Variants in SNX4 observed in about 807,000 individuals in gnomAD.
The protein encoded by SNX4 is sorting nexin-4.
SNX4 carries 49 observed loss-of-function variants against 70.8 expected under a neutral mutation model. That is an observed-to-expected ratio of 0.69 (90% CI 0.55 to 0.88). SNX4 has a LOEUF of 0.88. Ranked by LOEUF, SNX4 falls within the 40% of genes least tolerant of loss-of-function variation. The pLI, the probability that SNX4 is intolerant of heterozygous loss-of-function variation, is 0.00. For missense variants in SNX4, 528 were observed against 544.8 expected (o/e 0.97, Z 0.31); for synonymous variants, 206 against 183.8 (o/e 1.12, Z -0.98).
At chr3:125,516,318 T>G (rs550377882) in intron 1 of SNX4, among the ~76,000 whole-genome samples, 20 of 152,342 alleles carry the variant, frequency 1.3e-4, no homozygotes, top group Non-Finnish European at 1.5e-4. Flanking sequence ...TACTACTTTC[T>G]TAGAGAATGA....
intron 9 of SNX4, among the ~76,000 whole-genome samples, chr3:125,465,775 T>C (rs2107533902): frequency 6.6e-6 from 1 of 152,254 alleles, no homozygotes; most frequent in Admixed American, 6.5e-5. Context: ...CCCAAGTGGC[T>C]AGGACTATAG....
chr3:125,485,540 C>T (rs947250373), intron 6 of SNX4, among the ~76,000 whole-genome samples: 3 of 152,106 alleles, frequency 2.0e-5, no homozygotes, highest in South Asian at 2.1e-4. Context: ...TCAAGTGATC[C>T]GCCTGCCTTG....
Position 125,520,132 on chromosome 3 carries a change from G to A in SNX4, c.41C>T (p.Pro14Leu), listed in dbSNP as rs781760479. 4.1e-6 allele frequency: 6 copies of A among 1,462,194 alleles called. No homozygotes were observed. Among genetic ancestry groups the A allele is most frequent in the Admixed American group, 3.0e-5 (1 of 33,782 alleles). 90.6% of individuals were successfully genotyped at this position (1,462,194 alleles called of 1,614,324 possible). A position where few individuals can be genotyped will look rare whatever the true frequency, so the allele number is the denominator to read the frequency against. ...APPDPERQLQ[P>L]APLEPLGSPD... is the part of the protein sequence containing the mutation. ...GGAGCCCAGCGGCTCCAAGGGCGCC[G>A]GCTGGAGCTGCCGCTCGGGGTCCGG... Residue 14 changes from proline (P) to leucine (L), a missense_variant, in exon 1 of 14, where the codon CCG becomes CTG. Physicochemically the swap from Pro to Leu is moderately conservative, Grantham distance 98. Transcript: ENST00000251775.
intron 4 of SNX4, 24 bp downstream of exon 4, chr3:125,497,810 T>G: frequency 6.7e-7 from 1 of 1,501,504 alleles, no homozygotes; most frequent in Non-Finnish European, 9.0e-7. Flanking sequence ...AATATTTTAC[T>G]AAGACTAAAT....
At chr3:125,516,434 T>C (rs1345370076) in intron 1 of SNX4, among the ~76,000 whole-genome samples, 1 of 152,224 alleles carries the variant, frequency 6.6e-6, no homozygotes, top group Non-Finnish European at 1.5e-5. Flanking sequence ...AGAATCCTGA[T>C]CAGTGGTGTT....
In SNX4 at chr3:125,497,857, T is replaced by C. The variant is rs986871379; in HGVS notation, c.526A>G (p.Ile176Val). 1.9e-6 allele frequency: 3 copies of C among 1,609,024 alleles called. No homozygotes were observed. Among genetic ancestry groups the C allele is most frequent in the Non-Finnish European group, 2.5e-6 (3 of 1,178,580 alleles). ...ASHPILCRDK[I>V]FYLFLTQEGN... is the part of the protein sequence containing the mutation. ...ACCTGTGTTAAAAACAGATAGAAGA[T>C]TTTGTCTCTACAAAGGATGGGATGT... The change falls in exon 4 of 14, where the codon ATC becomes GTC. Residue 176 changes from isoleucine (I) to valine (V), a missense_variant. Ile to Val is a conservative substitution (Grantham distance 29). Around this residue, in one of 3 missense-constraint regions of SNX4, gnomAD observed 341 missense variants for 312.2 expected, o/e 1.09. Transcript: ENST00000251775.
chr3:125,469,352 T>C (rs897887441), intron 9 of SNX4, 102 bp downstream of exon 9: 15 of 773,726 alleles, frequency 1.9e-5, no homozygotes, highest in African/African-American at 3.5e-5. Context: ...GAGCGCAATA[T>C]AAATGCCAGC....
intron 1 of SNX4, among the ~76,000 whole-genome samples, chr3:125,507,360 G>A (rs562097125): frequency 6.6e-6 from 1 of 151,988 alleles, no homozygotes; most frequent in South Asian, 2.1e-4. Context: ...CCAAGGAACA[G>A]AAAAAAGATG....
In SNX4 at chr3:125,501,941, G is replaced by A. The variant is rs997449891; in HGVS notation, c.263+2682C>T. On this transcript the variant is annotated intron_variant, in intron 2 of 13. Transcript: ENST00000251775. ...TTCAAATTAGAACTGGGCTACAGAAGAAAACAATGATCCTTTATTTATTTC... is the reference window on the plus strand; with the variant it reads ...TTCAAATTAGAACTGGGCTACAGAAAAAAACAATGATCCTTTATTTATTTC... 5.9e-5 allele frequency among the ~76,000 whole-genome samples: 9 copies of A among 152,130 alleles called. 1 individual carries two copies. The highest frequency in any genetic ancestry group is 1.3e-4 in the Admixed American group (2 of 15,272).
intron 1 of SNX4, among the ~76,000 whole-genome samples, chr3:125,519,140 G>A (rs769718833): frequency 1.1e-4 from 16 of 152,194 alleles, no homozygotes; most frequent in Non-Finnish European, 1.9e-4. Context: ...GAAGTGAGCT[G>A]TGTGAGCAAT....
intron 12 of SNX4, among the ~76,000 whole-genome samples, chr3:125,453,309 G>GT (rs777574620): frequency 1.3e-5 from 2 of 152,060 alleles, no homozygotes; most frequent in Non-Finnish European, 2.9e-5. Flanking sequence ...TCACAATGAA[G>GT]TAACACTTCA....
chr3:125,496,416 A>G (rs906741034), intron 5 of SNX4, among the ~76,000 whole-genome samples: 3 of 152,196 alleles, frequency 2.0e-5, no homozygotes, highest in Non-Finnish European at 4.4e-5. Flanking sequence ...CAAATTTCAA[A>G]TATCTATGGG....
At chr3:125,512,833 G>T (rs1446830058) in intron 1 of SNX4, among the ~76,000 whole-genome samples, 6 of 151,324 alleles carry the variant, frequency 4.0e-5, no homozygotes, top group Non-Finnish European at 8.8e-5. Flanking sequence ...CTCAATCCTG[G>T]CTCACTGCAA....
rs186664757 is a variant in SNX4, at chr3:125,498,321, T to A, written c.264-127A>T. 2.6e-4 allele frequency: 247 copies of A among 943,254 alleles called. 1 individual carries two copies. The East Asian group carries it at 5.6e-3, about 21-fold the overall frequency. 58.4% of individuals were successfully genotyped at this position (943,254 alleles called of 1,614,324 possible). The stretch of plus-strand genomic sequence containing the variant: ...CAGGCACTAAGTAAAGAACTTTTCA[T>A]ACATTTTTCTTTTTTTTCAAGACAG... On this transcript the variant is annotated intron_variant, in intron 2 of 13. Transcript: ENST00000251775.
At chr3:125,473,626 G>A (rs1934226695) in intron 8 of SNX4, among the ~76,000 whole-genome samples, 3 of 152,078 alleles carry the variant, frequency 2.0e-5, no homozygotes, top group Non-Finnish European at 4.4e-5. Flanking sequence ...TATTGGCCAG[G>A]CTGGTCTTGA....
Position 125,457,270 on chromosome 3 carries a change from G to C in SNX4, c.1040C>G (p.Thr347Ser), listed in dbSNP as rs1933742737. The C allele has an allele frequency of 2.5e-6, 4 of 1,612,106 alleles. No individual in the cohort carries two copies. Among genetic ancestry groups the C allele is most frequent in the Non-Finnish European group, 3.4e-6 (4 of 1,178,224 alleles). Residue 347 changes from threonine (T) to serine (S), a missense_variant, in exon 11 of 14, where the codon ACT becomes AGT. Coordinates refer to ENST00000251775, the MANE Select transcript of SNX4 (RefSeq NM_003794.4). Reference protein sequence around the residue: ...SKKQQCEELVTGTVRTFSLKG... With the variant: ...SKKQQCEELVSGTVRTFSLKG... ...GGCCAAAAGGAAAATACTCACCCCA[G>C]TTACCAGTTCCTCACACTGCTGCTT...
intron 9 of SNX4, among the ~76,000 whole-genome samples, chr3:125,462,366 G>A (rs539049046): frequency 6.6e-6 from 1 of 152,184 alleles, no homozygotes; most frequent in Admixed American, 6.5e-5. Context: ...ACTGGAGATT[G>A]TACACTAGAA....
intron 7 of SNX4, among the ~76,000 whole-genome samples, chr3:125,476,985 T>C (rs1934303266): frequency 1.3e-5 from 2 of 152,232 alleles, no homozygotes; most frequent in South Asian, 4.1e-4. Context: ...TTTTAATTAC[T>C]GTTTTTAAAT....
chr3:125,467,412 A>C (rs1405497398), intron 9 of SNX4, among the ~76,000 whole-genome samples: 2 of 151,260 alleles, frequency 1.3e-5, no homozygotes, highest in African/African-American at 2.4e-5. Flanking sequence ...AAAAATAAAC[A>C]TAAAAATAAA....
Sources: gnomAD v4.1 joint callset for allele counts (sites outside exome capture counted in the v4.1 genomes callset) on GRCh38, gnomAD v4.1.1 for gene constraint, gnomAD v4.1.1 regional missense constraint, MANE v1.5 for transcripts, NCBI Gene and HGNC (gene_info 2026-07-23, HGNC 2026-07-21) for gene names.